The following CLASP1 variants were observed in gnomAD, a reference collection of about 807,000 sequenced individuals.
CLASP1 encodes CLIP-associating protein 1.
CLASP1 carries 38 observed loss-of-function variants against 192.3 expected under a neutral mutation model. The ratio of observed to expected loss-of-function variants is 0.20; its 90% CI spans 0.15 to 0.26. The LOEUF (loss-of-function observed/expected upper bound fraction) is 0.26. Ranked by LOEUF, CLASP1 falls within the 10% of genes least tolerant of loss-of-function variation. The probability of loss-of-function intolerance (pLI) is 1.00; values close to 1 mark genes in which losing one functional copy is unlikely to be tolerated. For missense variants in CLASP1, 1,433 were observed against 1,932.5 expected, an observed-to-expected ratio of 0.74 and a Z score of 4.85; for synonymous variants, 691 against 712.8, an observed-to-expected ratio of 0.97 and a Z score of 0.49.
intron 26 of CLASP1, chr2:121,402,721 C>T (rs10165782): frequency 2.8e-5 from 14 of 500,214 alleles, no homozygotes; most frequent in South Asian, 1.3e-4. Flanking sequence ...ATAGTGTTCA[C>T]GTTATAAATC....
At chr2:121,552,379 G>T (rs757462435) in intron 2 of CLASP1, among the ~76,000 whole-genome samples, 10 of 152,130 alleles carry the variant, frequency 6.6e-5, no homozygotes, top group Non-Finnish European at 1.0e-4. Context: ...CACAGCAAAA[G>T]AAATTATCAA....
intron 2 of CLASP1, among the ~76,000 whole-genome samples, chr2:121,539,226 AG>A (rs2095172399): frequency 6.6e-6 from 1 of 152,230 alleles, no homozygotes; most frequent in African/African-American, 2.4e-5. Context: ...TGGTTAAACA[AG>A]GTGATAAAAC....
At chr2:121,578,466 A>T (rs1576175149) in intron 2 of CLASP1, among the ~76,000 whole-genome samples, 1 of 146,996 alleles carries the variant, frequency 6.8e-6, no homozygotes, top group East Asian at 2.0e-4. Flanking sequence ...GCAGTGGCTC[A>T]TGCCTGTAAT....
At chr2:121,548,177 T>C (rs941906437) in intron 2 of CLASP1, among the ~76,000 whole-genome samples, 1 of 151,912 alleles carries the variant, frequency 6.6e-6, no homozygotes, top group African/African-American at 2.4e-5. Flanking sequence ...CAAAATAAAA[T>C]GATACAGGAG....
chr2:121,537,730 T>C (rs190553222), intron 2 of CLASP1, among the ~76,000 whole-genome samples: 43 of 152,362 alleles, frequency 2.8e-4, no homozygotes, highest in Non-Finnish European at 6.0e-4. Flanking sequence ...TTTTCAATAC[T>C]TATCTTAGAA....
chr2:121,496,736 C>T (rs112975778), intron 8 of CLASP1, among the ~76,000 whole-genome samples: 1 of 152,246 alleles, frequency 6.6e-6, no homozygotes, highest in East Asian at 1.9e-4. Context: ...GTCAGATAAT[C>T]GCCAAATGTA....
At chr2:121,467,544 T>C (rs2089881555) in intron 9 of CLASP1, among the ~76,000 whole-genome samples, 1 of 152,236 alleles carries the variant, frequency 6.6e-6, no homozygotes, top group Non-Finnish European at 1.5e-5. Flanking sequence ...TTTGCATTTC[T>C]CTAATAATCA....
At chr2:121,538,982 C>A (rs959795642) in intron 2 of CLASP1, among the ~76,000 whole-genome samples, 4 of 151,852 alleles carry the variant, frequency 2.6e-5, no homozygotes, top group Admixed American at 2.0e-4. Context: ...AATATCTGCC[C>A]AAAAAGCTAT....
intron 34 of CLASP1, among the ~76,000 whole-genome samples, chr2:121,370,073 G>A (rs534989541): frequency 1.8e-4 from 27 of 152,248 alleles, no homozygotes; most frequent in South Asian, 1.2e-3. Context: ...GTAATTGACC[G>A]TAAGGATGGG....
chr2:121,522,913 G>C (rs931508703), intron 6 of CLASP1, among the ~76,000 whole-genome samples: 1 of 152,228 alleles, frequency 6.6e-6, no homozygotes, highest in Non-Finnish European at 1.5e-5. Context: ...TTCTGCAAAT[G>C]AAAATGACCA....
intron 1 of CLASP1, among the ~76,000 whole-genome samples, 154 bp from the exon 2 acceptor site, chr2:121,606,334 G>A (rs1022970050): frequency 2.6e-5 from 4 of 152,210 alleles, no homozygotes; most frequent in South Asian, 2.1e-4. Context: ...CAACCATATC[G>A]AAATAACATA....
exon 28 of CLASP1, chr2:121,401,511 T>G: frequency 6.2e-7 from 1 of 1,607,986 alleles, no homozygotes; most frequent in Non-Finnish European, 8.5e-7. Flanking sequence ...ACACTTACCT[T>G]GTGACATCTA....
At chr2:121,595,825 T>G (rs1281496474) in intron 2 of CLASP1, among the ~76,000 whole-genome samples, 2 of 152,222 alleles carry the variant, frequency 1.3e-5, no homozygotes, top group Admixed American at 1.3e-4. Context: ...TCCTCAGATT[T>G]TATGAGTATT....
At chr2:121,499,736 C>G (rs1431105688) in intron 8 of CLASP1, among the ~76,000 whole-genome samples, 1 of 151,960 alleles carries the variant, frequency 6.6e-6, no homozygotes, top group Non-Finnish European at 1.5e-5. Flanking sequence ...ATGTGCCCAC[C>G]TGGGTCTCTC....
chr2:121,635,196 G>A (rs756991388), intron 1 of CLASP1, among the ~76,000 whole-genome samples: 4 of 147,620 alleles, frequency 2.7e-5, no homozygotes, highest in African/African-American at 7.8e-5. Flanking sequence ...GCAACAAAGC[G>A]AGATTGCGTC....
At chr2:121,397,103 A>G (rs370714840) in intron 30 of CLASP1, 37 bp downstream of exon 31, 1 of 1,608,096 alleles carries the variant, frequency 6.2e-7, no homozygotes, top group Non-Finnish European at 8.5e-7. Context: ...AAGCCCAGGA[A>G]CAATCTGTAA....
At chr2:121,382,534 C>A (rs1243779765) in intron 32 of CLASP1, among the ~76,000 whole-genome samples, 2 of 152,146 alleles carry the variant, frequency 1.3e-5, no homozygotes, top group Non-Finnish European at 2.9e-5. Flanking sequence ...CTGCTTTATT[C>A]TTTCCCCTCC....
chr2:121,584,769 C>A (rs911831143), intron 2 of CLASP1, among the ~76,000 whole-genome samples: 9 of 152,156 alleles, frequency 5.9e-5, no homozygotes, highest in Non-Finnish European at 1.2e-4. Flanking sequence ...TCAGCCAATG[C>A]ACCCTCAACT....
At chr2:121,572,468 C>A (rs992814406) in intron 2 of CLASP1, among the ~76,000 whole-genome samples, 4 of 152,030 alleles carry the variant, frequency 2.6e-5, no homozygotes, top group African/African-American at 9.7e-5. Context: ...GCTTTTCTGC[C>A]ATTTTCAAAT....
Sources: gnomAD v4.1 joint callset for allele counts (sites outside exome capture counted in the v4.1 genomes callset) on GRCh38, gnomAD v4.1.1 for gene constraint, MANE v1.5 for transcripts, NCBI Gene and HGNC (gene_info 2026-07-23, HGNC 2026-07-21) for gene names.